RALYL: variants seen among roughly 807,000 people sequenced by gnomAD.
RALYL encodes RNA-binding Raly-like protein.
RALYL carries 29 observed loss-of-function variants against 35.1 expected under a neutral mutation model. That is an observed-to-expected ratio of 0.83 (90% CI 0.61 to 1.13). RALYL has a LOEUF of 1.13. Among genes scored for constraint, RALYL ranks in the 50% most tolerant of loss-of-function variants. The pLI is 0.00. For synonymous variants in RALYL, 120 were observed against 127.6 expected (o/e 0.94, Z 0.40); for missense variants, 359 against 360.4 (o/e 1.00, Z 0.03).
Position 84,742,808 on chromosome 8 carries a change from G to A in RALYL, c.257-31771G>A, listed in dbSNP as rs192346260. On this transcript the variant is annotated intron_variant, in intron 2 of 8. Transcript: ENST00000521268. ...AAACAGGCTGTCCTTCAAGCAGTCC[G>A]GTTATGTTACCCATCAGGCTGACTT... 8.5e-5 allele frequency among the ~76,000 whole-genome samples: 13 copies of A among 152,102 alleles called. No homozygotes were observed. In the East Asian group the frequency reaches 2.3e-3, roughly 27 times the overall value.
At chr8:84,815,010 A>ATTGT (rs1482429545) in intron 4 of RALYL, among the ~76,000 whole-genome samples, 1 of 152,194 alleles carries the variant, frequency 6.6e-6, no homozygotes, top group African/African-American at 2.4e-5. Flanking sequence ...ATCCACCTCC[A>ATTGT]TTGTTTTCCA....
intron 8 of RALYL, among the ~76,000 whole-genome samples, chr8:84,910,047 G>A (rs1001322218): frequency 3.3e-5 from 5 of 152,104 alleles, no homozygotes; most frequent in African/African-American, 4.8e-5. Flanking sequence ...GTTCAGAAAA[G>A]GATGGACAGA....
At chr8:84,482,367 C>T (rs1278280341) in intron 1 of RALYL, among the ~76,000 whole-genome samples, 1 of 152,044 alleles carries the variant, frequency 6.6e-6, no homozygotes, top group African/African-American at 2.4e-5. Flanking sequence ...GAATATTTAG[C>T]ACAACCAATT....
chr8:84,909,758 G>GA (rs1847188095), intron 8 of RALYL, among the ~76,000 whole-genome samples: 1 of 151,942 alleles, frequency 6.6e-6, no homozygotes, highest in African/African-American at 2.4e-5. Context: ...ATATTAAATG[G>GA]AAAAAAATAT....
intron 1 of RALYL, among the ~76,000 whole-genome samples, chr8:84,399,842 C>G (rs903301397): frequency 6.6e-6 from 1 of 152,152 alleles, no homozygotes; most frequent in African/African-American, 2.4e-5. Flanking sequence ...GGTTGAGAAT[C>G]TTTTATCCAA....
rs763240222 is a variant in RALYL, at chr8:84,862,258, A to G, written c.414-38A>G. The stretch of plus-strand genomic sequence containing the variant: ...CACATATTTGATAGAACTCTCGGGC[A>G]TCAAACCAACTCTCAGTCCCATTTG... On this transcript the variant is annotated intron_variant, in intron 5 of 8. Transcript: ENST00000521268. 1.3e-5 allele frequency: 18 copies of G among 1,417,380 alleles called. No homozygotes were observed. The South Asian group carries it at 2.3e-4, about 18-fold the overall frequency. 87.8% of individuals were successfully genotyped at this position (1,417,380 alleles called of 1,614,324 possible).
chr8:84,625,461 A>G (rs1385404708), intron 2 of RALYL, among the ~76,000 whole-genome samples: 1 of 152,202 alleles, frequency 6.6e-6, no homozygotes. Flanking sequence ...AGCACCAAAC[A>G]TTATAGAGAG....
chr8:84,241,328 C>G (rs904227808), intron 1 of RALYL, among the ~76,000 whole-genome samples: 1 of 152,068 alleles, frequency 6.6e-6, no homozygotes, highest in Non-Finnish European at 1.5e-5. Context: ...ATTGGACTTT[C>G]TTTTTCATGT....
At chr8:84,448,760 G>C (rs1350255233) in intron 1 of RALYL, among the ~76,000 whole-genome samples, 2 of 151,966 alleles carry the variant, frequency 1.3e-5, no homozygotes, top group Non-Finnish European at 1.5e-5. Flanking sequence ...ACCTCTTATA[G>C]CGTAAAAATC....
At chr8:84,557,388 C>G (rs191375018) in intron 2 of RALYL, among the ~76,000 whole-genome samples, 1 of 152,240 alleles carries the variant, frequency 6.6e-6, no homozygotes, top group East Asian at 1.9e-4. Context: ...CAGCAATCAG[C>G]AGTTACTGGG....
intron 1 of RALYL, among the ~76,000 whole-genome samples, chr8:84,429,628 A>G (rs117593499): frequency 9.5e-4 from 144 of 152,182 alleles, no homozygotes; most frequent in Non-Finnish European, 1.8e-3. Context: ...TTAAAATGTT[A>G]AAAGTCCTCT....
At chr8:84,847,336 A>G (rs1399235868) in intron 4 of RALYL, among the ~76,000 whole-genome samples, 1 of 152,140 alleles carries the variant, frequency 6.6e-6, no homozygotes, top group Non-Finnish European at 1.5e-5. Flanking sequence ...CAGGGCTGGG[A>G]ATTAGTCCTG....
intron 2 of RALYL, among the ~76,000 whole-genome samples, chr8:84,589,144 C>A (rs1463224051): frequency 2.0e-5 from 3 of 152,106 alleles, no homozygotes; most frequent in Admixed American, 6.6e-5. Flanking sequence ...ATGATCCGCC[C>A]GCCTCGGCCT....
chr8:84,359,636 C>T (rs916132544), intron 1 of RALYL, among the ~76,000 whole-genome samples: 1 of 151,956 alleles, frequency 6.6e-6, no homozygotes, highest in Non-Finnish European at 1.5e-5. Context: ...TCAGACTTTC[C>T]TCGTTTGTAT....
At chr8:84,669,306 G>A (rs77885517) in intron 2 of RALYL, among the ~76,000 whole-genome samples, 3,140 of 152,084 alleles carry the variant, frequency 0.021, 53 homozygotes, top group Middle Eastern at 0.058. Flanking sequence ...CTTGGGCAGG[G>A]CCATTTGGGA....
intron 4 of RALYL, among the ~76,000 whole-genome samples, chr8:84,805,660 G>T (rs1457384049): frequency 1.3e-5 from 2 of 152,158 alleles, no homozygotes; most frequent in African/African-American, 2.4e-5. Context: ...CTCCACTCCA[G>T]CCTGGGTGAC....
chr8:84,493,723 G>C (rs887599226), intron 1 of RALYL, among the ~76,000 whole-genome samples: 1 of 151,990 alleles, frequency 6.6e-6, no homozygotes, highest in Non-Finnish European at 1.5e-5. Context: ...GTCTTCTTTT[G>C]AGAAGTGTCT....
chr8:84,253,392 G>A (rs1407041793), intron 1 of RALYL, among the ~76,000 whole-genome samples: 1 of 149,230 alleles, frequency 6.7e-6, no homozygotes, highest in South Asian at 2.1e-4. Flanking sequence ...AGTAGAGATG[G>A]GTTTTCACCA....
chr8:84,420,093 T>C (rs1450593328), intron 1 of RALYL, among the ~76,000 whole-genome samples: 2 of 151,736 alleles, frequency 1.3e-5, no homozygotes, highest in East Asian at 1.9e-4. Context: ...ATGGTATTTG[T>C]AGTTCTAGAT....
Sources: gnomAD v4.1 joint callset for allele counts (sites outside exome capture counted in the v4.1 genomes callset) on GRCh38, gnomAD v4.1.1 for gene constraint, MANE v1.5 for transcripts, NCBI Gene and HGNC (gene_info 2026-07-23, HGNC 2026-07-21) for gene names.